The following TES variants were observed in gnomAD, a reference collection of about 807,000 sequenced individuals.
The protein encoded by TES is testin.
TES carries 41 observed loss-of-function variants against 48.2 expected under a neutral mutation model. The ratio of observed to expected loss-of-function variants is 0.85; its 90% CI spans 0.66 to 1.10. The LOEUF is 1.10. Ranked by LOEUF, TES falls within the 50% of genes least tolerant of loss-of-function variation. The pLI is 0.00. For synonymous variants in TES, 162 were observed against 174.9 expected (o/e 0.93, Z 0.58); for missense variants, 463 against 515.1 (o/e 0.90, Z 0.98).
intron 1 of TES, among the ~76,000 whole-genome samples, chr7:116,212,327 C>A (rs924497965): frequency 6.6e-6 from 1 of 152,170 alleles, no homozygotes; most frequent in Non-Finnish European, 1.5e-5. Flanking sequence ...ATGGCTGATA[C>A]ATGTAATTAT....
chr7:116,221,690 A>G (rs1327760681), intron 1 of TES, among the ~76,000 whole-genome samples: 2 of 152,176 alleles, frequency 1.3e-5, no homozygotes, highest in South Asian at 2.1e-4. Flanking sequence ...TACATCTGAA[A>G]GAATCAAGAA....
At chr7:116,227,157 A>G (rs1477947060) in intron 1 of TES, among the ~76,000 whole-genome samples, 1 of 151,300 alleles carries the variant, frequency 6.6e-6, no homozygotes, top group Non-Finnish European at 1.5e-5. Context: ...TCACTCTGTC[A>G]CCCAGGCTGG....
At chr7:116,225,977 A>C (rs1028801322) in intron 1 of TES, among the ~76,000 whole-genome samples, 7 of 152,158 alleles carry the variant, frequency 4.6e-5, no homozygotes, top group Non-Finnish European at 1.5e-5. Context: ...GACTCTCATA[A>C]GATTGTTATG....
At chr7:116,242,746 C>T (rs1799866866) in intron 2 of TES, among the ~76,000 whole-genome samples, 1 of 151,776 alleles carries the variant, frequency 6.6e-6, no homozygotes, top group East Asian at 1.9e-4. Flanking sequence ...ATTTAGAAAA[C>T]TTAGTAAATT....
chr7:116,234,733 T>A, intron 2 of TES, 114 bp downstream of exon 2: 1 of 802,658 alleles, frequency 1.2e-6, no homozygotes, highest in Non-Finnish European at 2.1e-6. Flanking sequence ...GCAGACCTGT[T>A]ACTGTCTTTT....
At chr7:116,233,238 T>G (rs1365715243) in intron 1 of TES, among the ~76,000 whole-genome samples, 1 of 152,204 alleles carries the variant, frequency 6.6e-6, no homozygotes, top group African/African-American at 2.4e-5. Flanking sequence ...TGTACTGATG[T>G]AAGGCTGGCT....
At chr7:116,245,606 A>C (rs774971647) in intron 2 of TES, among the ~76,000 whole-genome samples, 5 of 152,152 alleles carry the variant, frequency 3.3e-5, no homozygotes, top group Non-Finnish European at 5.9e-5. Flanking sequence ...CTGTCTTCTT[A>C]GCCCTCCAGA....
chr7:116,210,914 C>T, intron 1 of TES, 180 bp downstream of exon 1: 1 of 429,626 alleles, frequency 2.3e-6, no homozygotes, highest in East Asian at 4.4e-5. Flanking sequence ...TGCTCGGCGG[C>T]CCCGCCAGCT....
intron 6 of TES, among the ~76,000 whole-genome samples, chr7:116,254,754 A>G (rs1238506335): frequency 0.036 from 4,227 of 119,042 alleles, 67 homozygotes; most frequent in Middle Eastern, 0.092. Context: ...AAAAATATAT[A>G]TATATGTGTG....
intron 6 of TES, among the ~76,000 whole-genome samples, chr7:116,256,790 C>A (rs1800105690): frequency 6.6e-6 from 1 of 152,158 alleles, no homozygotes; most frequent in African/African-American, 2.4e-5. Context: ...TCATTTTTCT[C>A]AAACACTGTC....
At position 116,246,866 on chromosome 7, in the gene TES, C is replaced by CTGTG. The variant is rs1160413030; in HGVS notation, c.114-2153_114-2152insGTGT. 2.4e-5 allele frequency among the ~76,000 whole-genome samples: 3 copies of CTGTG among 126,308 alleles called. No homozygotes were observed. In the East Asian group the frequency reaches 9.4e-4, roughly 40 times the overall value. 82.9% of individuals were successfully genotyped at this position (126,308 alleles called of 152,430 possible). On this transcript the variant is annotated intron_variant, in intron 2 of 6. Transcript: ENST00000358204. Reference sequence around the variant, plus strand: ...TCTTTCCTATCACAAATGAAATTTTCTCTGTGTATGTGTGTGTGTGTGATT... The same window carrying CTGTG: ...TCTTTCCTATCACAAATGAAATTTTCTGTGTCTGTGTATGTGTGTGTGTGTGATT...
chr7:116,252,346 C>T lies in TES; in HGVS notation c.947C>T (p.Ala316Val). The change falls in exon 6 of 7, where the codon GCA becomes GTA. Residue 316 changes from alanine (A) to valine (V), a missense_variant. Ala to Val is a moderately conservative substitution (Grantham distance 64, BLOSUM62 0). Transcript: ENST00000358204. ...ATATTCAGCAATGAGTATACCCAGG[C>T]AGAAAACCAGAATTGGCACCTGAAA... The part of the protein sequence containing the change: ...ELIFSNEYTQ[A>V]ENQNWHLKHF... The T allele has an allele frequency of 1.2e-6, 2 of 1,613,472 alleles. No homozygotes were observed. Among genetic ancestry groups the T allele is most frequent in the East Asian group, 2.2e-5 (1 of 44,840 alleles).
At chr7:116,232,676 T>C (rs1799714875) in intron 1 of TES, among the ~76,000 whole-genome samples, 2 of 152,230 alleles carry the variant, frequency 1.3e-5, no homozygotes, top group South Asian at 4.1e-4. Context: ...CTACATTATT[T>C]CCATACTGTG....
chr7:116,257,844 TC>T lies in TES; in HGVS notation c.*363del, dbSNP rs1800125829. On this transcript the variant is annotated 3_prime_UTR_variant, in exon 7 of 7. Transcript: ENST00000358204. Reference sequence around the variant, plus strand: ...AGATGAGCATTCCTAGTTCTACACTTCTTTTTTCCCCCTCATGTGTAAAATG... The same window carrying T: ...AGATGAGCATTCCTAGTTCTACACTTTTTTTTCCCCCTCATGTGTAAAATG... 1.3e-5 allele frequency: 2 copies of T among 159,642 alleles called. No individual in the cohort carries two copies. The highest frequency in any genetic ancestry group is 2.7e-5 in the Non-Finnish European group (2 of 73,222). 9.9% of individuals were successfully genotyped at this position (159,642 alleles called of 1,614,324 possible). A position where few individuals can be genotyped will look rare whatever the true frequency, so the allele number is the denominator to read the frequency against.
At chr7:116,228,189 A>G (rs566229880) in intron 1 of TES, among the ~76,000 whole-genome samples, 1 of 152,302 alleles carries the variant, frequency 6.6e-6, no homozygotes, top group African/African-American at 2.4e-5. Flanking sequence ...TTGGAGGCAC[A>G]GATCATGGGA....
At chr7:116,249,965 G>A (rs1271584374) in intron 3 of TES, 196 bp from the exon 4 acceptor site, 4 of 404,146 alleles carry the variant, frequency 9.9e-6, no homozygotes, top group East Asian at 7.3e-5. Flanking sequence ...TGGAGAGAAA[G>A]TGTTACTTTT....
In TES at chr7:116,233,644, G is replaced by A. The variant is rs117065671; in HGVS notation, c.28-890G>A. Among the ~76,000 whole-genome samples the A allele has an allele frequency of 1.3e-3, 197 of 152,300 alleles. 5 individuals carry two copies. In the East Asian group the frequency reaches 0.034, roughly 27 times the overall value. ...TCTGTAAGATTTTAATGAGATATAA[G>A]TAAAGTACTTACCTCTATTCCTTGT... On this transcript the variant is annotated intron_variant, in intron 1 of 6. Transcript: ENST00000358204.
At chr7:116,229,156 G>A (rs1799665416) in intron 1 of TES, among the ~76,000 whole-genome samples, 2 of 151,744 alleles carry the variant, frequency 1.3e-5, no homozygotes, top group African/African-American at 4.8e-5. Context: ...CGCCTTAGCT[G>A]AGGAGCTAAG....
rs561665761 is a variant in TES at position 116,258,735 on chromosome 7, G to A, written c.*1253G>A. The A allele has an allele frequency of 2.6e-5, 4 of 152,604 alleles. No individual in the cohort carries two copies. The South Asian group carries it at 6.2e-4, about 24-fold the overall frequency. The allele number at this position is 152,604 out of a possible 1,614,324, so 9.5% of individuals were successfully genotyped here. A position where few individuals can be genotyped will look rare whatever the true frequency, so the allele number is the denominator to read the frequency against. On this transcript the variant is annotated 3_prime_UTR_variant, in exon 7 of 7. Transcript: ENST00000358204. ...TAGCTATGCACTATGAAAATTAAAT[G>A]GAATGAATGATATGTATATTACTCA...
Sources: allele counts gnomAD v4.1 joint callset (sites outside exome capture counted in the v4.1 genomes callset), GRCh38; gene constraint gnomAD v4.1.1; transcripts MANE v1.5; gene names NCBI Gene and HGNC (gene_info 2026-07-23, HGNC 2026-07-21).